Variants in EFHC2 observed in about 807,000 individuals in gnomAD.
EFHC2 encodes the protein EF-hand domain containing 2, also known as EF-hand domain-containing family member C2.
Under a neutral mutation model 52.7 loss-of-function variants are expected in EFHC2, and 18 were observed. The observed-to-expected ratio is 0.34, with a 90% CI of 0.24 to 0.51. The LOEUF (loss-of-function observed/expected upper bound fraction) is 0.51, where lower values mean the gene tolerates loss of function less well. Ranked by LOEUF, EFHC2 falls within the 20% of genes least tolerant of loss-of-function variation. The pLI, the probability that EFHC2 is intolerant of heterozygous loss-of-function variation, is 0.97. For synonymous variants in EFHC2, 203 were observed against 204.1 expected, an observed-to-expected ratio of 0.99 and a Z score of 0.04; for missense variants, 513 against 562.5, an observed-to-expected ratio of 0.91 and a Z score of 0.89.
chrX:44,210,038 T>A (rs1398315830), intron 11 of EFHC2, among the ~76,000 whole-genome samples: 1 of 110,101 alleles, frequency 9.1e-6, no homozygotes, highest in Admixed American at 9.7e-5. Context: ...GTAATAATAA[T>A]AGAAATAAAC....
chrX:44,229,622 G>C (rs1445003408), intron 11 of EFHC2, 27 bp downstream of exon 11: 1 of 1,209,031 alleles, frequency 8.3e-7, no homozygotes, highest in Admixed American at 2.2e-5. Context: ...GGGGAAAACA[G>C]GTGATTGTTA....
chrX:44,325,368 G>C (rs951608594), intron 1 of EFHC2, among the ~76,000 whole-genome samples: 1 of 110,631 alleles, frequency 9.0e-6, no homozygotes, highest in Non-Finnish European at 1.9e-5. Context: ...AAATGATAAA[G>C]TTAGGAACAT....
intron 2 of EFHC2, among the ~76,000 whole-genome samples, chrX:44,290,024 A>G (rs2037781942): frequency 9.0e-6 from 1 of 111,504 alleles, no homozygotes; most frequent in Non-Finnish European, 1.9e-5. Context: ...TTTTGTTTGT[A>G]TTGTTTTCTT....
At chrX:44,165,244 A>G (rs1602129631) in intron 13 of EFHC2, among the ~76,000 whole-genome samples, 1 of 112,228 alleles carries the variant, frequency 8.9e-6, no homozygotes, top group East Asian at 2.8e-4. Flanking sequence ...GCAGCAATAA[A>G]TTAAATGTTA....
chrX:44,201,397 T>C (rs188958504), intron 11 of EFHC2, among the ~76,000 whole-genome samples: 181 of 110,639 alleles, frequency 1.6e-3, no homozygotes, highest in African/African-American at 5.4e-3. Flanking sequence ...AGAATACAAA[T>C]TGATGAATTA....
At chrX:44,225,167 T>C (rs5953355) in intron 11 of EFHC2, among the ~76,000 whole-genome samples, 31,974 of 106,834 alleles carry the variant, frequency 0.3, 3,923 homozygotes, top group African/African-American at 0.42. Flanking sequence ...AAAAAGATTC[T>C]AAAGAGGATC....
intron 11 of EFHC2, among the ~76,000 whole-genome samples, chrX:44,198,315 T>A (rs2147293684): frequency 9.0e-6 from 1 of 111,716 alleles, no homozygotes; most frequent in South Asian, 3.7e-4. Flanking sequence ...AATTCAAGGT[T>A]ATAAGAATGG....
At position 44,178,557 on chromosome X, in the gene EFHC2, A is replaced by G. The variant is rs762832415; in HGVS notation, c.1759T>C (p.Leu587=). ...MVDYNTFRDI[L]MSLTVGNLAE... ...AGGTTTCCAACAGTCAAAGACATCA[A>G]TATGTCTCTGTAATAAAAATGGAAA... The change falls in exon 12 of 15, where the codon TTG becomes CTG. Residue 587 remains leucine (L), a synonymous_variant. Coordinates refer to ENST00000420999, the MANE Select transcript of EFHC2 (RefSeq NM_025184.4). The G allele has an allele frequency of 8.5e-7, 1 of 1,177,617 alleles. No homozygotes were observed. The highest frequency in any genetic ancestry group is 1.1e-6 in the Non-Finnish European group (1 of 879,775).
At chrX:44,185,608 C>T (rs1569279006) in intron 11 of EFHC2, among the ~76,000 whole-genome samples, 1 of 110,276 alleles carries the variant, frequency 9.1e-6, no homozygotes. Flanking sequence ...GTGATCATGG[C>T]TCACTGCAAC....
intron 11 of EFHC2, among the ~76,000 whole-genome samples, chrX:44,182,893 T>C (rs2036845914): frequency 9.0e-6 from 1 of 111,491 alleles, no homozygotes. Flanking sequence ...GATTTTCTCT[T>C]GACTTTAGTA....
intron 10 of EFHC2, 104 bp downstream of exon 10, chrX:44,232,377 T>C: frequency 5.0e-6 from 3 of 605,248 alleles, no homozygotes; most frequent in Middle Eastern, 3.7e-4. Flanking sequence ...GAATGCACAA[T>C]GTACAACTGG....
chrX:44,256,447 G>A (rs756677741), intron 4 of EFHC2, among the ~76,000 whole-genome samples: 6 of 111,468 alleles, frequency 5.4e-5, no homozygotes, highest in Admixed American at 9.5e-5. Flanking sequence ...AATAAAAAAC[G>A]ATAAACAGGA....
intron 1 of EFHC2, among the ~76,000 whole-genome samples, chrX:44,329,852 C>T (rs1247940214): frequency 9.1e-6 from 1 of 109,491 alleles, no homozygotes; most frequent in East Asian, 2.9e-4. Context: ...GCAATCCTCC[C>T]ACCTCAGCCT....
intron 10 of EFHC2, among the ~76,000 whole-genome samples, chrX:44,230,766 G>T (rs2037270272): frequency 9.0e-6 from 1 of 111,010 alleles, no homozygotes; most frequent in East Asian, 2.8e-4. Context: ...TTATATTAAG[G>T]TATAGGCTCA....
intron 2 of EFHC2, among the ~76,000 whole-genome samples, chrX:44,312,249 C>CA (rs1373203135): frequency 6.3e-5 from 7 of 111,257 alleles, no homozygotes; most frequent in Non-Finnish European, 1.3e-4. Context: ...GTTTTCATCA[C>CA]AAAAAAAGAG....
At chrX:44,307,046 A>T (rs768259701) in intron 2 of EFHC2, among the ~76,000 whole-genome samples, 22 of 110,965 alleles carry the variant, frequency 2.0e-4, no homozygotes, top group Middle Eastern at 4.7e-3. Context: ...CTTAGGGGAA[A>T]GGGGCCAGTG....
chrX:44,320,601 A>T (rs949492073), intron 1 of EFHC2, among the ~76,000 whole-genome samples: 3 of 111,213 alleles, frequency 2.7e-5, no homozygotes, highest in Non-Finnish European at 5.7e-5. Flanking sequence ...GTCAGTGATC[A>T]ACAGCATTAG....
At chrX:44,282,343 C>T (rs2037708608) in intron 2 of EFHC2, among the ~76,000 whole-genome samples, 1 of 104,881 alleles carries the variant, frequency 9.5e-6, no homozygotes, top group Non-Finnish European at 2.0e-5. Flanking sequence ...GTGGCTCACA[C>T]CTGTAATCCC....
intron 6 of EFHC2, 49 bp downstream of exon 6, chrX:44,248,754 T>C: frequency 9.6e-7 from 1 of 1,045,812 alleles, no homozygotes. Flanking sequence ...CTGTTCAGGT[T>C]CCAAAGAAGT....
Sources: allele counts gnomAD v4.1 joint callset (sites outside exome capture counted in the v4.1 genomes callset), GRCh38; gene constraint gnomAD v4.1.1; transcripts MANE v1.5; gene names NCBI Gene and HGNC (gene_info 2026-07-23, HGNC 2026-07-21).